The following TUSC3 variants were observed in gnomAD, a reference collection of about 807,000 sequenced individuals.
TUSC3 encodes dolichyl-diphosphooligosaccharide--protein glycosyltransferase subunit TUSC3.
Under a neutral mutation model 44.8 loss-of-function variants are expected in TUSC3, and 45 were observed. The observed-to-expected ratio is 1.00, with a 90% CI of 0.79 to 1.29. The LOEUF is 1.29. TUSC3 is among the 50% of genes most tolerant of loss of function. The probability of loss-of-function intolerance (pLI) is 0.00; values close to 1 mark genes in which losing one functional copy is unlikely to be tolerated. For missense variants in TUSC3, 519 were observed against 437.9 expected (o/e 1.19, Z -1.65); for synonymous variants, 212 against 152.9 (o/e 1.39, Z -2.85).
At chr8:15,452,525 A>G (rs1800207869) in intron 1 of TUSC3, among the ~76,000 whole-genome samples, 1 of 152,098 alleles carries the variant, frequency 6.6e-6, no homozygotes, top group Non-Finnish European at 1.5e-5. Flanking sequence ...AAAACATATT[A>G]GTACTGTGGA....
At chr8:15,464,470 G>C (rs186912810) in intron 1 of TUSC3, among the ~76,000 whole-genome samples, 253 of 152,276 alleles carry the variant, frequency 1.7e-3, no homozygotes, top group African/African-American at 5.8e-3. Context: ...AAACAGTGCA[G>C]AGAAAAACCT....
chr8:15,842,759 G>C, the TUSC3 span, among the ~76,000 whole-genome samples: 5 of 152,144 alleles, frequency 3.3e-5, no homozygotes, highest in Non-Finnish European at 5.9e-5. Flanking sequence ...AAGGTCCTTT[G>C]GTATTGACAA....
chr8:15,618,237 G>A (rs1261671010), intron 1 of TUSC3, among the ~76,000 whole-genome samples: 6 of 152,052 alleles, frequency 3.9e-5, no homozygotes, highest in South Asian at 2.1e-4. Context: ...AGGCTTTATC[G>A]AAAGATTTTT....
chr8:15,720,201 T>TACAC (rs60082069), intron 6 of TUSC3, among the ~76,000 whole-genome samples: 11,870 of 141,404 alleles, frequency 0.084, 616 homozygotes, highest in South Asian at 0.23. Flanking sequence ...TATATATATA[T>TACAC]ACACACACAC....
chr8:15,540,119 T>A, upstream of TUSC3: 1 of 337,422 alleles, frequency 3.0e-6, no homozygotes, highest in Non-Finnish European at 5.3e-6. Context: ...GGACCACTCC[T>A]CTCCTCAGCG....
chr8:15,732,944 C>T (rs17577831), intron 7 of TUSC3, among the ~76,000 whole-genome samples: 41,941 of 152,010 alleles, frequency 0.28, 6,423 homozygotes, highest in Admixed American at 0.38. Flanking sequence ...CTTACATTTA[C>T]TTACTTGCCT....
At chr8:15,716,215 C>T (rs1483210011) in intron 6 of TUSC3, among the ~76,000 whole-genome samples, 1 of 152,094 alleles carries the variant, frequency 6.6e-6, no homozygotes, top group Non-Finnish European at 1.5e-5. Context: ...AAGGTTGTGC[C>T]ACTGCACTCC....
intron 9 of TUSC3, among the ~76,000 whole-genome samples, chr8:15,757,046 A>C (rs1434367345): frequency 2.6e-5 from 4 of 152,080 alleles, no homozygotes; most frequent in Non-Finnish European, 5.9e-5. Flanking sequence ...TGAGGTGGAA[A>C]TATCACTCGA....
intron 9 of TUSC3, among the ~76,000 whole-genome samples, chr8:15,755,168 C>G (rs188521096): frequency 6.6e-6 from 1 of 152,112 alleles, no homozygotes; most frequent in African/African-American, 2.4e-5. Context: ...GAATACCCAG[C>G]CTGCTCGTTA....
chr8:15,648,516 G>A (rs1443288416), intron 2 of TUSC3, among the ~76,000 whole-genome samples: 10 of 151,548 alleles, frequency 6.6e-5, no homozygotes, highest in Non-Finnish European at 1.5e-4. Flanking sequence ...CACGAGGTCA[G>A]GAGATCGAGA....
At chr8:15,824,378 G>A in the TUSC3 span, among the ~76,000 whole-genome samples, 1 of 152,020 alleles carries the variant, frequency 6.6e-6, no homozygotes, top group Non-Finnish European at 1.5e-5. Context: ...TCAACTGATG[G>A]GCTTAATATA....
intron 4 of TUSC3, among the ~76,000 whole-genome samples, chr8:15,661,627 G>A (rs1420974376): frequency 1.3e-5 from 2 of 151,898 alleles, no homozygotes; most frequent in Non-Finnish European, 2.9e-5. Flanking sequence ...TATAATTACT[G>A]ATTTTTGGTC....
At chr8:15,505,307 C>T (rs73665421) in intron 2 of TUSC3, among the ~76,000 whole-genome samples, 1 of 152,302 alleles carries the variant, frequency 6.6e-6, no homozygotes, top group African/African-American at 2.4e-5. Flanking sequence ...AAGAAAAAAA[C>T]CCAGAATGCT....
chr8:15,647,525 T>C (rs991402897), intron 2 of TUSC3, among the ~76,000 whole-genome samples: 8 of 152,202 alleles, frequency 5.3e-5, no homozygotes, highest in Non-Finnish European at 1.0e-4. Context: ...ATTCCTGTTC[T>C]AGTTTGTATT....
At chr8:15,774,067 T>G in the TUSC3 span, among the ~76,000 whole-genome samples, 89 of 152,282 alleles carry the variant, frequency 5.8e-4, no homozygotes, top group Non-Finnish European at 8.5e-4. Flanking sequence ...TAAAAACTTT[T>G]GTGCATTAAA....
At chr8:15,727,179 G>C (rs937602394) in intron 6 of TUSC3, among the ~76,000 whole-genome samples, 1 of 152,118 alleles carries the variant, frequency 6.6e-6, no homozygotes, top group Admixed American at 6.5e-5. Flanking sequence ...TTTAAGACCA[G>C]CTTAAAATCG....
chr8:15,576,284 T>TTTTTTTTA lies in TUSC3; in HGVS notation c.138+35736_138+35743dup, dbSNP rs772245819. On this transcript the variant is annotated intron_variant, in intron 1 of 10. Transcript: ENST00000503731. ...TTTTTTTTCTTGGTCCTCTTGTTTT[T>TTTTTTTTA]TTTTTTTATTTTTTTATTTTTTTAT... Among the ~76,000 whole-genome samples, 312 of 141,720 alleles carry TTTTTTTTA rather than the reference T, an allele frequency of 2.2e-3. 3 individuals are homozygous for TTTTTTTTA. The highest frequency in any genetic ancestry group is 6.7e-3 in the African/African-American group (266 of 39,568). 93.0% of individuals were successfully genotyped at this position (141,720 alleles called of 152,430 possible). A position where few individuals can be genotyped will look rare whatever the true frequency, so the allele number is the denominator to read the frequency against.
chr8:15,489,576 G>A (rs772794892), intron 2 of TUSC3, among the ~76,000 whole-genome samples: 7 of 152,128 alleles, frequency 4.6e-5, no homozygotes, highest in Non-Finnish European at 8.8e-5. Flanking sequence ...AAAGAGTTAC[G>A]TTTTGGGGTG....
At chr8:15,538,868 G>T (rs1439960360), upstream of TUSC3, among the ~76,000 whole-genome samples, 2 of 151,082 alleles carry the variant, frequency 1.3e-5, no homozygotes, top group Admixed American at 6.6e-5. Context: ...TATATTTTTG[G>T]AGACAGGGTT....
Sources: allele counts gnomAD v4.1 joint callset (sites outside exome capture counted in the v4.1 genomes callset), GRCh38; gene constraint gnomAD v4.1.1; transcripts MANE v1.5; gene names NCBI Gene and HGNC (gene_info 2026-07-23, HGNC 2026-07-21).